CPED1: variants seen among roughly 807,000 people sequenced by gnomAD.
CPED1 encodes the protein cadherin-like and PC-esterase domain-containing protein 1.
In CPED1, 114 loss-of-function variants were observed where a neutral mutation model predicts 128.2. The observed-to-expected ratio is 0.89, with a 90% confidence interval of 0.76 to 1.04. The LOEUF (loss-of-function observed/expected upper bound fraction) is 1.04, where lower values mean the gene tolerates loss of function less well. Among genes scored for constraint, CPED1 ranks in the 50% least tolerant of loss-of-function variants. The pLI, the probability that CPED1 is intolerant of heterozygous loss-of-function variation, is 0.00. For missense variants in CPED1, 1,211 were observed against 1,207.1 expected (o/e 1.00, Z -0.05); for synonymous variants, 462 against 426.7 (o/e 1.08, Z -1.02).
chr7:121,249,317 CA>C (rs1397876003), intron 18 of CPED1, among the ~76,000 whole-genome samples: 2 of 152,072 alleles, frequency 1.3e-5, no homozygotes, highest in Non-Finnish European at 2.9e-5. Flanking sequence ...ATTCAAAAAA[CA>C]TGGAGAACTC....
intron 16 of CPED1, among the ~76,000 whole-genome samples, chr7:121,214,556 A>T (rs527792170): frequency 5.1e-4 from 78 of 152,142 alleles, no homozygotes; most frequent in Middle Eastern, 3.4e-3. Flanking sequence ...GGCCTCCCAA[A>T]GTGCTGGGAT....
intron 16 of CPED1, among the ~76,000 whole-genome samples, chr7:121,160,080 C>T (rs1008611868): frequency 2.7e-5 from 4 of 149,254 alleles, no homozygotes; most frequent in Non-Finnish European, 5.9e-5. Flanking sequence ...AATTCCTATA[C>T]ACTTTACATC....
intron 18 of CPED1, among the ~76,000 whole-genome samples, chr7:121,246,301 C>T (rs1049371734): frequency 2.7e-4 from 41 of 152,220 alleles, no homozygotes; most frequent in African/African-American, 9.4e-4. Flanking sequence ...GATGAATCAA[C>T]TTTGTAAAAA....
chr7:121,144,792 A>G (rs1026478960), intron 16 of CPED1, among the ~76,000 whole-genome samples: 6 of 152,074 alleles, frequency 3.9e-5, no homozygotes, highest in Non-Finnish European at 4.4e-5. Context: ...TATCACATGT[A>G]TCCCATAAAT....
At chr7:121,082,478 G>A (rs1794317695) in intron 5 of CPED1, among the ~76,000 whole-genome samples, 2 of 151,996 alleles carry the variant, frequency 1.3e-5, no homozygotes, top group South Asian at 4.2e-4. Flanking sequence ...ACTTGTTTTT[G>A]GTTTGTTTTC....
At chr7:121,167,035 G>A (rs7780907) in intron 16 of CPED1, among the ~76,000 whole-genome samples, 1 of 152,192 alleles carries the variant, frequency 6.6e-6, no homozygotes, top group Non-Finnish European at 1.5e-5. Flanking sequence ...ATCATTCAGT[G>A]TGACCCAGCC....
At chr7:121,243,670 C>A (rs187190822) in intron 17 of CPED1, among the ~76,000 whole-genome samples, 163 of 152,148 alleles carry the variant, frequency 1.1e-3, no homozygotes, top group African/African-American at 3.8e-3. Flanking sequence ...GACATTCACA[C>A]GAAAAAGGCC....
intron 5 of CPED1, among the ~76,000 whole-genome samples, chr7:121,067,368 GT>G (rs1301467416): frequency 6.6e-6 from 1 of 151,796 alleles, no homozygotes; most frequent in Non-Finnish European, 1.5e-5. Flanking sequence ...TGTGGTGTTT[GT>G]TTTTTTGTCC....
intron 16 of CPED1, among the ~76,000 whole-genome samples, chr7:121,186,557 A>G: frequency 6.6e-6 from 1 of 152,174 alleles, no homozygotes; most frequent in East Asian, 1.9e-4. Flanking sequence ...AGGGCACTAT[A>G]CACACATCTA....
At chr7:121,166,390 C>T (rs1456135126) in intron 16 of CPED1, among the ~76,000 whole-genome samples, 3 of 152,040 alleles carry the variant, frequency 2.0e-5, no homozygotes, top group Non-Finnish European at 4.4e-5. Context: ...AAGACTTTCG[C>T]AAGTTATGAA....
At chr7:121,249,207 C>T (rs941920080) in intron 18 of CPED1, among the ~76,000 whole-genome samples, 2 of 152,092 alleles carry the variant, frequency 1.3e-5, no homozygotes. Flanking sequence ...AACTCATTGG[C>T]ATTCCTGAGA....
intron 3 of CPED1, among the ~76,000 whole-genome samples, chr7:121,031,298 C>A (rs1327575876): frequency 2.0e-5 from 3 of 151,896 alleles, no homozygotes; most frequent in Admixed American, 1.3e-4. Context: ...TGTGGGCCTG[C>A]CTGCCAACTT....
chr7:121,290,319 C>T (rs1313952478), intron 22 of CPED1, among the ~76,000 whole-genome samples: 1 of 152,148 alleles, frequency 6.6e-6, no homozygotes, highest in Non-Finnish European at 1.5e-5. Flanking sequence ...TGGATATATA[C>T]CCAGTAATGG....
chr7:121,046,806 T>C lies in CPED1; in HGVS notation c.434-81T>C, dbSNP rs1793211092. On this transcript the variant is annotated intron_variant, in intron 3 of 22. Transcript: ENST00000310396. Reference sequence around the variant, plus strand: ...GTGTTTCAGAATTTAAATAATTACATTTTTTAATCTGAAGAATTAAATATT... The same window carrying C: ...GTGTTTCAGAATTTAAATAATTACACTTTTTAATCTGAAGAATTAAATATT... The C allele has an allele frequency of 1.1e-5, 10 of 875,168 alleles. No homozygotes were observed. The South Asian group carries it at 1.9e-4, about 17-fold the overall frequency. The allele number at this position is 875,168 out of a possible 1,614,324, so 54.2% of individuals were successfully genotyped here.
At chr7:121,059,690 A>AT (rs1793600958) in intron 4 of CPED1, among the ~76,000 whole-genome samples, 1 of 78,804 alleles carries the variant, frequency 1.3e-5, no homozygotes, top group South Asian at 5.1e-4. Flanking sequence ...TAATTAATAT[A>AT]TTTTTGCCTT....
intron 7 of CPED1, among the ~76,000 whole-genome samples, chr7:121,114,859 A>G (rs1454065659): frequency 1.3e-5 from 2 of 152,234 alleles, no homozygotes; most frequent in East Asian, 3.8e-4. Flanking sequence ...TGTAGTAAAA[A>G]AGGATAAAGG....
intron 7 of CPED1, among the ~76,000 whole-genome samples, chr7:121,108,600 T>C (rs1795036203): frequency 6.6e-6 from 1 of 151,710 alleles, no homozygotes. Flanking sequence ...TGTAATGTTT[T>C]TTTCATATAA....
Position 121,107,179 on chromosome 7 carries a change from C to T in CPED1, c.918+7085C>T, listed in dbSNP as rs111974361. On this transcript the variant is annotated intron_variant, in intron 7 of 22. Coordinates refer to ENST00000310396, the MANE Select transcript of CPED1 (RefSeq NM_024913.5). ...TTAAGGCAAAACTCCCTGCAATCTT[C>T]CTAAATGTTTTCATTTCTGTACAGA... Among the ~76,000 whole-genome samples the T allele has an allele frequency of 6.1e-3, 927 of 152,154 alleles. 12 individuals are homozygous for T. Among genetic ancestry groups the T allele is most frequent in the African/African-American group, 0.02 (831 of 41,530 alleles).
chr7:121,006,356 C>T (rs1792016353), intron 2 of CPED1, among the ~76,000 whole-genome samples: 1 of 152,000 alleles, frequency 6.6e-6, no homozygotes, highest in Admixed American at 6.6e-5. Flanking sequence ...ACTCAGAGGG[C>T]AATAAGAAAC....
Sources: allele counts gnomAD v4.1 joint callset (sites outside exome capture counted in the v4.1 genomes callset), GRCh38; gene constraint gnomAD v4.1.1; transcripts MANE v1.5; gene names NCBI Gene and HGNC (gene_info 2026-07-23, HGNC 2026-07-21).